The following SCAPER variants were observed in gnomAD, a reference collection of about 807,000 sequenced individuals.
SCAPER encodes S phase cyclin A-associated protein in the endoplasmic reticulum.
In SCAPER, 98 loss-of-function variants were observed where a neutral mutation model predicts 182.2. The observed-to-expected ratio is 0.54, with a 90% CI of 0.46 to 0.64. SCAPER has a LOEUF of 0.64. SCAPER is among the 30% of genes least tolerant of loss of function. SCAPER has a pLI of 0.00. For synonymous variants in SCAPER, 605 were observed against 564.6 expected (o/e 1.07, Z -1.01); for missense variants, 1,432 against 1,690.0 (o/e 0.85, Z 2.68).
At chr15:76,761,650 T>C (rs2062794206) in intron 14 of SCAPER, among the ~76,000 whole-genome samples, 1 of 152,230 alleles carries the variant, frequency 6.6e-6, no homozygotes, top group South Asian at 2.1e-4. Context: ...CTAAAAGATA[T>C]TGGTATGATT....
At chr15:76,732,261 C>A (rs1355922365) in intron 16 of SCAPER, among the ~76,000 whole-genome samples, 2 of 151,912 alleles carry the variant, frequency 1.3e-5, no homozygotes, top group Non-Finnish European at 2.9e-5. Context: ...ATGAGCTGTT[C>A]CAGTATAATA....
chr15:76,804,483 C>G (rs766489288), intron 6 of SCAPER, 50 bp downstream of exon 6: 23 of 1,212,334 alleles, frequency 1.9e-5, no homozygotes, highest in Non-Finnish European at 2.5e-5. Context: ...TCAGTGATTG[C>G]TATTGAAACT....
chr15:76,829,081 A>G (rs528506792), intron 5 of SCAPER, among the ~76,000 whole-genome samples: 48 of 152,342 alleles, frequency 3.2e-4, no homozygotes, highest in Admixed American at 9.8e-4. Context: ...CAACAAGTGG[A>G]CAAAAAAAAT....
At chr15:76,416,349 C>A (rs565785380) in intron 26 of SCAPER, among the ~76,000 whole-genome samples, 18 of 150,814 alleles carry the variant, frequency 1.2e-4, no homozygotes, top group African/African-American at 4.1e-4. Flanking sequence ...ATTAGCCAGG[C>A]GAGATGGCAC....
chr15:76,818,224 G>A (rs902787631), intron 5 of SCAPER, among the ~76,000 whole-genome samples: 1 of 152,162 alleles, frequency 6.6e-6, no homozygotes, highest in African/African-American at 2.4e-5. Context: ...CATGATGCTA[G>A]AATAAATGGG....
intron 20 of SCAPER, among the ~76,000 whole-genome samples, chr15:76,667,625 C>CCAAAAAA (rs2056687759): frequency 3.6e-5 from 1 of 27,454 alleles, no homozygotes; most frequent in African/African-American, 1.3e-4. Flanking sequence ...GACTCAGTCT[C>CCAAAAAA]AAAAAAAAAA....
Position 76,774,837 on chromosome 15 carries a change from A to G in SCAPER, c.1035+18T>C. 1 of 1,595,272 alleles carries G rather than the reference A, an allele frequency of 6.3e-7. No homozygotes were observed. The highest frequency in any genetic ancestry group is 1.1e-5 in the South Asian group (1 of 87,512). Reference sequence around the variant, plus strand: ...CACCTTTGAAAAAGACAGTAAAAGGATTTTCAGAATGTACTACCTGGGTTT... The same window carrying G: ...CACCTTTGAAAAAGACAGTAAAAGGGTTTTCAGAATGTACTACCTGGGTTT... On this transcript the variant is annotated intron_variant, in intron 9 of 31. Coordinates refer to ENST00000563290, the MANE Select transcript of SCAPER (RefSeq NM_020843.4).
intron 15 of SCAPER, among the ~76,000 whole-genome samples, chr15:76,749,530 A>T (rs1039178672): frequency 4.6e-5 from 7 of 152,100 alleles, no homozygotes; most frequent in African/African-American, 1.7e-4. Context: ...TACAGACTGG[A>T]AAGAAAGAAA....
In SCAPER at chr15:76,348,303, A is replaced by G. The variant is rs1326498355; in HGVS notation, c.*330T>C. The G allele has an allele frequency of 6.1e-6, 1 of 164,980 alleles. No homozygotes were observed. Among genetic ancestry groups the G allele is most frequent in the Non-Finnish European group, 1.3e-5 (1 of 76,918 alleles). 10.2% of individuals were successfully genotyped at this position (164,980 alleles called of 1,614,324 possible). A position where few individuals can be genotyped will look rare whatever the true frequency, so the allele number is the denominator to read the frequency against. On this transcript the variant is annotated 3_prime_UTR_variant, in exon 32 of 32. Coordinates refer to ENST00000563290, the MANE Select transcript of SCAPER (RefSeq NM_020843.4). ...GAAAAGTCAACAATGAAAACAGAAT[A>G]AGTTACTTTATTACAAGAACAAAAC...
chr15:76,430,164 G>A (rs2046768144), intron 26 of SCAPER, among the ~76,000 whole-genome samples: 1 of 152,220 alleles, frequency 6.6e-6, no homozygotes, highest in Admixed American at 6.5e-5. Flanking sequence ...GATTTCACAG[G>A]ATGTACGGAA....
At chr15:76,558,824 T>C (rs2046379582) in intron 23 of SCAPER, among the ~76,000 whole-genome samples, 1 of 151,992 alleles carries the variant, frequency 6.6e-6, no homozygotes, top group African/African-American at 2.4e-5. Flanking sequence ...TATACACACA[T>C]ACATACACAC....
chr15:76,706,063 C>CCCTATGTGTCCTA, intron 17 of SCAPER, 79 bp from the exon 18 acceptor site: 1 of 1,103,688 alleles, frequency 9.1e-7, no homozygotes, highest in Non-Finnish European at 1.3e-6. Flanking sequence ...ACAATTAGGA[C>CCCTATGTGTCCTA]ACATAGGGTC....
At chr15:76,880,917 G>A (rs566153002) in intron 2 of SCAPER, among the ~76,000 whole-genome samples, 5 of 152,222 alleles carry the variant, frequency 3.3e-5, no homozygotes, top group African/African-American at 1.2e-4. Flanking sequence ...ATGTTGGTGA[G>A]GATGTGGAAA....
In SCAPER at chr15:76,471,277, A is replaced by C; in HGVS notation, c.3013T>G (p.Cys1005Gly). ...NLTCNNCSENCSDVLFSNKIT... is the reference protein window; with the variant it reads ...NLTCNNCSENGSDVLFSNKIT... ...TTGTTACTAAACAGAACATCACTGC[A>C]GTTTTCTGAACAGTTATTGCAGGTG... The change falls in exon 25 of 32, where the codon TGC becomes GGC. Residue 1005 changes from cysteine (C) to glycine (G), a missense_variant. Cys to Gly is a radical substitution (Grantham distance 159). Transcript: ENST00000563290. 6.2e-7 allele frequency: 1 copy of C among 1,612,698 alleles called. No homozygotes were observed. Among genetic ancestry groups the C allele is most frequent in the Non-Finnish European group, 8.5e-7 (1 of 1,179,184 alleles).
chr15:76,790,938 A>G (rs1368789795), intron 8 of SCAPER, among the ~76,000 whole-genome samples: 1 of 152,228 alleles, frequency 6.6e-6, no homozygotes, highest in African/African-American at 2.4e-5. Context: ...AATTGAGGCT[A>G]GAAATTTTCC....
intron 29 of SCAPER, among the ~76,000 whole-genome samples, chr15:76,357,161 C>T (rs1482494358): frequency 6.6e-6 from 1 of 150,484 alleles, no homozygotes; most frequent in African/African-American, 2.4e-5. Context: ...CACACACACA[C>T]ACACACACAC....
intron 10 of SCAPER, 45 bp from the exon 11 acceptor site, chr15:76,767,133 G>T: frequency 8.2e-6 from 12 of 1,458,654 alleles, no homozygotes; most frequent in South Asian, 2.6e-5. Flanking sequence ...ATGATCACTT[G>T]ACTGGAAAGT....
intron 4 of SCAPER, among the ~76,000 whole-genome samples, chr15:76,853,993 A>G (rs2071058079): frequency 6.6e-6 from 1 of 152,128 alleles, no homozygotes; most frequent in South Asian, 2.1e-4. Context: ...CACCACACAA[A>G]AGTCACTAGC....
chr15:76,360,032 T>C (rs1305134106), intron 29 of SCAPER, among the ~76,000 whole-genome samples: 1 of 152,172 alleles, frequency 6.6e-6, no homozygotes, highest in Non-Finnish European at 1.5e-5. Context: ...CCTTGAAGAA[T>C]AGATTTTGTG....
Sources: gnomAD v4.1 joint callset for allele counts (sites outside exome capture counted in the v4.1 genomes callset) on GRCh38, gnomAD v4.1.1 for gene constraint, MANE v1.5 for transcripts, NCBI Gene and HGNC (gene_info 2026-07-23, HGNC 2026-07-21) for gene names.